Variants in CSMD3 observed in about 807,000 individuals in gnomAD.
CSMD3 encodes the protein CUB and Sushi multiple domains 3.
In CSMD3, 177 loss-of-function variants were observed where a neutral mutation model predicts 435.2. The observed-to-expected ratio is 0.41, with a 90% confidence interval of 0.36 to 0.46. CSMD3 has a LOEUF of 0.46. CSMD3 is among the 20% of genes least tolerant of loss of function. The pLI, the probability that CSMD3 is intolerant of heterozygous loss-of-function variation, is 0.34. For synonymous variants in CSMD3, 1,656 were observed against 1,520.5 expected, an observed-to-expected ratio of 1.09 and a Z score of -2.07; for missense variants, 4,265 against 4,504.6, an observed-to-expected ratio of 0.95 and a Z score of 1.52.
chr8:112,730,733 T>G (rs1055746549), intron 13 of CSMD3, among the ~76,000 whole-genome samples: 20 of 151,916 alleles, frequency 1.3e-4, no homozygotes, highest in Admixed American at 5.3e-4. Flanking sequence ...AGATCAATTG[T>G]TTTTTTTGTT....
intron 13 of CSMD3, among the ~76,000 whole-genome samples, chr8:112,768,154 T>G: frequency 6.6e-6 from 1 of 151,374 alleles, no homozygotes; most frequent in East Asian, 1.9e-4. Flanking sequence ...TAAATATGCA[T>G]AATATAAATA....
At chr8:112,562,144 T>G (rs1005714783) in intron 24 of CSMD3, among the ~76,000 whole-genome samples, 1 of 151,676 alleles carries the variant, frequency 6.6e-6, no homozygotes, top group African/African-American at 2.4e-5. Context: ...TTACTTAACT[T>G]CTGTCTTGGC....
rs957944136 is a variant in CSMD3 at position 112,465,941 on chromosome 8, C to G, written c.5395+6650G>C. The stretch of plus-strand genomic sequence containing the variant: ...AGTGAGCCGAGATGGCACCACTGCA[C>G]TGCAGCCTGGGAAGCAGAGGGAGAC... On this transcript the variant is annotated intron_variant, in intron 32 of 70. Coordinates refer to ENST00000297405, the MANE Select transcript of CSMD3 (RefSeq NM_198123.2). Among the ~76,000 whole-genome samples the G allele has an allele frequency of 5.4e-5, 8 of 148,780 alleles. No homozygotes were observed. The South Asian group carries it at 1.7e-3, about 31-fold the overall frequency.
At chr8:113,240,122 G>T (rs965882550) in intron 3 of CSMD3, among the ~76,000 whole-genome samples, 1 of 151,954 alleles carries the variant, frequency 6.6e-6, no homozygotes, top group African/African-American at 2.4e-5. Context: ...TTCTATTCCT[G>T]TGTTAGTTTG....
intron 1 of CSMD3, among the ~76,000 whole-genome samples, chr8:113,354,509 G>T (rs2094208935): frequency 6.6e-6 from 1 of 152,072 alleles, no homozygotes; most frequent in African/African-American, 2.4e-5. Context: ...ATAAATTAAT[G>T]AGTGATATAA....
At chr8:112,446,464 T>C (rs1296333348) in intron 32 of CSMD3, among the ~76,000 whole-genome samples, 2 of 152,234 alleles carry the variant, frequency 1.3e-5, no homozygotes, top group Non-Finnish European at 2.9e-5. Context: ...GTAATTCTTA[T>C]GAAAGCAGTT....
chr8:112,460,521 G>A (rs773807837), intron 32 of CSMD3, among the ~76,000 whole-genome samples: 34 of 109,334 alleles, frequency 3.1e-4, no homozygotes, highest in Non-Finnish European at 5.1e-4. Context: ...CTACCTTCAA[G>A]AAGGCATGGA....
At chr8:113,127,960 C>A (rs1019675118) in intron 4 of CSMD3, among the ~76,000 whole-genome samples, 1 of 152,040 alleles carries the variant, frequency 6.6e-6, no homozygotes, top group Non-Finnish European at 1.5e-5. Context: ...TTTTCCTCTA[C>A]GTAGAATATT....
chr8:113,367,016 G>A (rs2094316384), intron 1 of CSMD3, among the ~76,000 whole-genome samples: 1 of 151,850 alleles, frequency 6.6e-6, no homozygotes, highest in Non-Finnish European at 1.5e-5. Flanking sequence ...GTTGAAATGA[G>A]TACTTTTTTT....
chr8:112,252,529 A>T (rs1815358625), intron 63 of CSMD3, among the ~76,000 whole-genome samples: 1 of 151,714 alleles, frequency 6.6e-6, no homozygotes, highest in South Asian at 2.1e-4. Flanking sequence ...CTTGCAAGCA[A>T]TCGTTTTTCT....
intron 1 of CSMD3, among the ~76,000 whole-genome samples, chr8:113,398,844 T>C (rs1310893864): frequency 6.6e-6 from 1 of 151,640 alleles, no homozygotes; most frequent in African/African-American, 2.4e-5. Flanking sequence ...CCTAAAAGAA[T>C]TGCATAAATT....
chr8:113,221,856 A>G (rs2092970251), intron 3 of CSMD3, among the ~76,000 whole-genome samples: 1 of 151,290 alleles, frequency 6.6e-6, no homozygotes, highest in Non-Finnish European at 1.5e-5. Flanking sequence ...GCTATTACTT[A>G]ACATGTTATA....
At chr8:112,321,087 A>G (rs542873244) in intron 45 of CSMD3, among the ~76,000 whole-genome samples, 2 of 152,120 alleles carry the variant, frequency 1.3e-5, no homozygotes, top group East Asian at 1.9e-4. Flanking sequence ...TTTTTCCCTT[A>G]AAGTCTTCTA....
rs566426423 is a variant in CSMD3, at chr8:112,975,869, C to T, written c.1310G>A (p.Arg437Lys). 4.3e-6 allele frequency: 7 copies of T among 1,613,670 alleles called. No individual in the cohort carries two copies. The highest frequency in any genetic ancestry group is 5.9e-6 in the Non-Finnish European group (7 of 1,179,874). Residue 437 changes from arginine to lysine, a missense_variant, in exon 7 of 71, where the codon AGA (arginine) becomes AAA (lysine). By Grantham distance (26) the Arg-to-Lys change is conservative (BLOSUM62 2). Coordinates refer to ENST00000297405, the MANE Select transcript of CSMD3 (RefSeq NM_198123.2). ...AGTAACAACTGCAAGCTCTTTAGTTCTTTCTATCTGTTCAGCATGTCTTGG... is the reference window on the plus strand; with the variant it reads ...AGTAACAACTGCAAGCTCTTTAGTTTTTTCTATCTGTTCAGCATGTCTTGG... ...RRPRHAEQIE[R>K]TKELAVVTHR...
chr8:113,170,789 A>T (rs568166892), intron 4 of CSMD3, among the ~76,000 whole-genome samples: 1 of 152,152 alleles, frequency 6.6e-6, no homozygotes, highest in African/African-American at 2.4e-5. Flanking sequence ...CAGTAAATTT[A>T]TTCATTAGTT....
At chr8:112,945,229 T>C (rs1156709760) in intron 9 of CSMD3, among the ~76,000 whole-genome samples, 1 of 151,738 alleles carries the variant, frequency 6.6e-6, no homozygotes, top group Non-Finnish European at 1.5e-5. Flanking sequence ...GGCTTTTATC[T>C]TCAAAAGATA....
Position 112,829,690 on chromosome 8 carries a change from G to A in CSMD3, c.1855C>T (p.Gln619Ter). ...AATGAAACATTGGGAACTTACACTT[G>A]GAGCACTGTCCTAGGATCTCCAACT... is the stretch of plus-strand genomic sequence containing the variant. ...GEVGDPRTVL[Q>*]VLTGSFVPDL... The change falls in exon 12 of 71, where the codon CAA (glutamine) becomes TAA (stop). Residue 619 changes from glutamine (Q) to a stop codon, truncating the protein, a stop_gained. Transcript: ENST00000297405. LOFTEE classifies it high-confidence loss of function. 6.3e-7 allele frequency: 1 copy of A among 1,590,652 alleles called. No homozygotes were observed. The highest frequency in any genetic ancestry group is 8.6e-7 in the Non-Finnish European group (1 of 1,158,736).
chr8:112,345,456 G>C (rs943272352), intron 41 of CSMD3, among the ~76,000 whole-genome samples: 12 of 152,090 alleles, frequency 7.9e-5, no homozygotes, highest in Non-Finnish European at 1.5e-4. Context: ...GGATGAACCT[G>C]GAGGGCATTA....
chr8:112,645,839 T>C (rs2074965307), intron 19 of CSMD3, among the ~76,000 whole-genome samples: 1 of 152,230 alleles, frequency 6.6e-6, no homozygotes, highest in Admixed American at 6.5e-5. Flanking sequence ...CAAGGTCTTC[T>C]ATATATTCAA....
Sources: allele counts gnomAD v4.1 joint callset (sites outside exome capture counted in the v4.1 genomes callset), GRCh38; gene constraint gnomAD v4.1.1; transcripts MANE v1.5; gene names NCBI Gene and HGNC (gene_info 2026-07-23, HGNC 2026-07-21).